The following SIPA1L2 variants were observed in gnomAD, a reference collection of about 807,000 sequenced individuals.
SIPA1L2 encodes the protein signal-induced proliferation-associated 1-like protein 2.
SIPA1L2 carries 56 observed loss-of-function variants against 163.9 expected under a neutral mutation model. That is an observed-to-expected ratio of 0.34 (90% confidence interval 0.28 to 0.43). SIPA1L2 has a LOEUF of 0.43. Among genes scored for constraint, SIPA1L2 ranks in the 20% least tolerant of loss-of-function variants. The pLI, the probability that SIPA1L2 is intolerant of heterozygous loss-of-function variation, is 1.00. For missense variants in SIPA1L2, 1,974 were observed against 2,193.5 expected (o/e 0.90, Z 2.00); for synonymous variants, 877 against 865.7 (o/e 1.01, Z -0.23).
At chr1:232,456,037 C>G (rs1408207725) in intron 10 of SIPA1L2, among the ~76,000 whole-genome samples, 1 of 152,046 alleles carries the variant, frequency 6.6e-6, no homozygotes, top group Non-Finnish European at 1.5e-5. Flanking sequence ...TATCTGTACA[C>G]CAAACCCCCA....
intron 1 of SIPA1L2, among the ~76,000 whole-genome samples, chr1:232,613,698 T>TA (rs5781709): frequency 0.76 from 115,784 of 152,036 alleles, 44,247 homozygotes; most frequent in African/African-American, 0.81. Flanking sequence ...AGAACAAAAT[T>TA]TATGTGTGTG....
chr1:232,574,454 G>A (rs1021081207), intron 1 of SIPA1L2, among the ~76,000 whole-genome samples: 1 of 151,932 alleles, frequency 6.6e-6, no homozygotes, highest in Non-Finnish European at 1.5e-5. Flanking sequence ...AAGCAGGTAA[G>A]AGAATCCAGC....
At chr1:232,567,745 G>A (rs180828909) in intron 2 of SIPA1L2, among the ~76,000 whole-genome samples, 61 of 152,302 alleles carry the variant, frequency 4.0e-4, no homozygotes, top group Non-Finnish European at 6.8e-4. Flanking sequence ...ATGCTAATGA[G>A]TTAATTGATG....
intron 6 of SIPA1L2, among the ~76,000 whole-genome samples, chr1:232,482,749 T>C (rs1204755354): frequency 6.6e-6 from 1 of 152,146 alleles, no homozygotes; most frequent in Non-Finnish European, 1.5e-5. Context: ...TTGAGCAGAC[T>C]TGGGGACAGG....
At chr1:232,598,560 G>C (rs1009762432) in intron 1 of SIPA1L2, among the ~76,000 whole-genome samples, 1 of 152,206 alleles carries the variant, frequency 6.6e-6, no homozygotes. Flanking sequence ...AAGCTGGGTA[G>C]CTTATAAACC....
chr1:232,514,957 TCATCTTGCTGACCTTCACTCTG>T lies in SIPA1L2; in HGVS notation c.361_382del (p.Gln121AsnfsTer29). Reference sequence around the variant, plus strand: ...CTCCACGAAGTCCAGATCGAGCTGTTCATCTTGCTGACCTTCACTCTGGTCACTCTGCCCATTCTGCAGGACA... The same window carrying T: ...CTCCACGAAGTCCAGATCGAGCTGTTGTCACTCTGCCCATTCTGCAGGACA... On this transcript the variant is annotated frameshift_variant, in exon 3 of 23. Coordinates refer to ENST00000674635, the MANE Select transcript of SIPA1L2 (RefSeq NM_020808.5). LOFTEE classifies it high-confidence loss of function. 1 of 1,614,192 alleles carries T rather than the reference TCATCTTGCTGACCTTCACTCTG, an allele frequency of 6.2e-7. No individual in the cohort carries two copies. Among genetic ancestry groups the T allele is most frequent in the Non-Finnish European group, 8.5e-7 (1 of 1,180,034 alleles).
chr1:232,447,060 CA>C (rs1663260921), intron 10 of SIPA1L2, among the ~76,000 whole-genome samples: 1 of 152,168 alleles, frequency 6.6e-6, no homozygotes, highest in African/African-American at 2.4e-5. Context: ...TAAAATTTAG[CA>C]TCTGATTTGA....
At chr1:232,547,263 G>GA (rs989902937) in intron 2 of SIPA1L2, among the ~76,000 whole-genome samples, 4 of 152,030 alleles carry the variant, frequency 2.6e-5, no homozygotes, top group Non-Finnish European at 5.9e-5. Flanking sequence ...TTTTTATGCA[G>GA]AACACACAGC....
Position 232,425,817 on chromosome 1 carries a change from TA to T in SIPA1L2, c.4411-10del, listed in dbSNP as rs1661865090. The T allele has an allele frequency of 6.2e-7, 1 of 1,611,736 alleles. No individual in the cohort carries two copies. The highest frequency in any genetic ancestry group is 1.3e-5 in the African/African-American group (1 of 74,892). On this transcript the variant is annotated splice_polypyrimidine_tract_variant and intron_variant, in intron 17 of 22. Coordinates refer to ENST00000674635, the MANE Select transcript of SIPA1L2 (RefSeq NM_020808.5). ...TTCCCATAGAACGAAAACTAGGGTT[TA>T]AACAAGGTGCGAGGAGGGAACAGAC... is the stretch of plus-strand genomic sequence containing the variant.
At chr1:232,502,743 A>C (rs571966911) in intron 3 of SIPA1L2, among the ~76,000 whole-genome samples, 2 of 152,348 alleles carry the variant, frequency 1.3e-5, no homozygotes, top group East Asian at 3.9e-4. Context: ...ACCATCTTCT[A>C]AGGGCTCACA....
chr1:232,524,647 T>C (rs1667608991), intron 2 of SIPA1L2, among the ~76,000 whole-genome samples: 1 of 152,126 alleles, frequency 6.6e-6, no homozygotes, highest in Non-Finnish European at 1.5e-5. Context: ...ACATAGTACA[T>C]ATATAAAATA....
intron 20 of SIPA1L2, among the ~76,000 whole-genome samples, chr1:232,403,779 G>A (rs1389080531): frequency 1.2e-4 from 19 of 152,218 alleles, no homozygotes; most frequent in Admixed American, 1.2e-3. Flanking sequence ...CTACTGGGCT[G>A]TATGGCCTAT....
intron 10 of SIPA1L2, among the ~76,000 whole-genome samples, chr1:232,459,896 C>A (rs986573774): frequency 6.6e-6 from 1 of 152,170 alleles, no homozygotes; most frequent in Admixed American, 6.5e-5. Flanking sequence ...TACTTTATTT[C>A]ATCTTCATTG....
chr1:232,592,877 T>C (rs1450152271), intron 1 of SIPA1L2, among the ~76,000 whole-genome samples: 2 of 151,896 alleles, frequency 1.3e-5, no homozygotes, highest in Non-Finnish European at 2.9e-5. Flanking sequence ...AGTCTTCTGC[T>C]GTACGACTGG....
chr1:232,414,316 C>A (rs1448700408), intron 19 of SIPA1L2, among the ~76,000 whole-genome samples: 1 of 152,186 alleles, frequency 6.6e-6, no homozygotes, highest in Non-Finnish European at 1.5e-5. Context: ...ACCAGAGGCA[C>A]TGATACCAGC....
chr1:232,621,499 A>G (rs1255311299), intron 1 of SIPA1L2, among the ~76,000 whole-genome samples: 1 of 152,206 alleles, frequency 6.6e-6, no homozygotes. Flanking sequence ...GGTTTAAAAC[A>G]TAAGGACTCA....
At chr1:232,608,672 A>G (rs967659603) in intron 1 of SIPA1L2, among the ~76,000 whole-genome samples, 1 of 152,150 alleles carries the variant, frequency 6.6e-6, no homozygotes, top group Non-Finnish European at 1.5e-5. Flanking sequence ...CGTGCTGCAC[A>G]CCCATATCTC....
intron 2 of SIPA1L2, among the ~76,000 whole-genome samples, chr1:232,527,725 C>CTTTT (rs57868657): frequency 0.057 from 4,634 of 80,756 alleles, 280 homozygotes; most frequent in African/African-American, 0.11. Context: ...TCTTCTTCTT[C>CTTTT]TTTTTTTTTT....
intron 5 of SIPA1L2, 76 bp from the exon 6 acceptor site, chr1:232,484,042 G>C: frequency 7.2e-7 from 1 of 1,382,912 alleles, no homozygotes; most frequent in Non-Finnish European, 9.9e-7. Context: ...TAAAACTACA[G>C]AAGCTGAGAA....
Sources: gnomAD v4.1 joint callset for allele counts (sites outside exome capture counted in the v4.1 genomes callset) on GRCh38, gnomAD v4.1.1 for gene constraint, MANE v1.5 for transcripts, NCBI Gene and HGNC (gene_info 2026-07-23, HGNC 2026-07-21) for gene names.